Variants in DMD observed in about 807,000 individuals in gnomAD.
DMD encodes the protein mutant dystrophin.
Under a neutral mutation model 330.1 loss-of-function variants are expected in DMD, and 63 were observed. That is an observed-to-expected ratio of 0.19 (90% CI 0.16 to 0.24). DMD has a LOEUF of 0.24. Among genes scored for constraint, DMD ranks in the 10% least tolerant of loss-of-function variants. DMD has a pLI of 1.00. For synonymous variants in DMD, 1,223 were observed against 959.8 expected, an observed-to-expected ratio of 1.27 and a Z score of -5.07; for missense variants, 3,344 against 2,684.1, an observed-to-expected ratio of 1.25 and a Z score of -5.43.
intron 1 of DMD, among the ~76,000 whole-genome samples, chrX:33,077,061 T>G (rs1406035230): frequency 1.8e-5 from 2 of 111,025 alleles, no homozygotes; most frequent in African/African-American, 3.3e-5. Context: ...AGTTTATTGA[T>G]CTGGGTGGTG....
At chrX:33,143,078 C>T (rs2047874875) in intron 1 of DMD, among the ~76,000 whole-genome samples, 1 of 111,590 alleles carries the variant, frequency 9.0e-6, no homozygotes. Context: ...TTATCATAAT[C>T]ATCAAGGTTA....
chrX:32,261,477 G>A (rs2097323208), intron 43 of DMD, among the ~76,000 whole-genome samples: 1 of 111,890 alleles, frequency 8.9e-6, no homozygotes, highest in Non-Finnish European at 1.9e-5. Context: ...TTTAATCTGA[G>A]GACATTATAA....
At chrX:31,642,220 T>C (rs1003380588) in intron 54 of DMD, among the ~76,000 whole-genome samples, 16 of 112,118 alleles carry the variant, frequency 1.4e-4, no homozygotes, top group Non-Finnish European at 3.0e-4. Flanking sequence ...CTAGTAAAGT[T>C]TGTAAAAAAT....
intron 1 of DMD, among the ~76,000 whole-genome samples, chrX:33,040,367 C>T (rs2094279568): frequency 9.0e-6 from 1 of 110,990 alleles, no homozygotes; most frequent in African/African-American, 3.3e-5. Flanking sequence ...GTAGAAGCCA[C>T]TGAGAGAGGG....
At chrX:31,156,955 C>G (rs945760933) in intron 74 of DMD, among the ~76,000 whole-genome samples, 1 of 111,780 alleles carries the variant, frequency 8.9e-6, no homozygotes, top group Non-Finnish European at 1.9e-5. Flanking sequence ...TATTGTGTAT[C>G]ATCCATCATC....
intron 42 of DMD, among the ~76,000 whole-genome samples, chrX:32,302,567 A>G (rs1376469856): frequency 9.0e-6 from 1 of 111,487 alleles, no homozygotes; most frequent in East Asian, 2.8e-4. Flanking sequence ...CTTTACGTAT[A>G]TTTTATGTGG....
intron 23 of DMD, among the ~76,000 whole-genome samples, chrX:32,465,582 G>GTTTTTTTTTTTTTT (rs1191063866): frequency 9.1e-5 from 7 of 76,661 alleles, no homozygotes; most frequent in African/African-American, 2.5e-4. Context: ...TTTGTTTTTT[G>GTTTTTTTTTTTTTT]TTTTTTTTTT....
intron 44 of DMD, among the ~76,000 whole-genome samples, chrX:32,019,028 C>A (rs2095788257): frequency 9.0e-6 from 1 of 111,136 alleles, no homozygotes; most frequent in African/African-American, 3.3e-5. Context: ...AAAATATTAA[C>A]CCTGATGTAG....
intron 1 of DMD, among the ~76,000 whole-genome samples, chrX:33,099,877 T>G (rs991139615): frequency 9.0e-6 from 1 of 111,591 alleles, no homozygotes; most frequent in Non-Finnish European, 1.9e-5. Context: ...TACACACCTA[T>G]TGATTTGTCA....
At chrX:33,001,974 A>G (rs919817278) in intron 2 of DMD, among the ~76,000 whole-genome samples, 1 of 111,691 alleles carries the variant, frequency 9.0e-6, no homozygotes, top group South Asian at 3.7e-4. Flanking sequence ...TACTATAGAA[A>G]ATTGTGAAAG....
intron 37 of DMD, 103 bp from the exon 38 acceptor site, chrX:32,348,631 C>G: frequency 1.4e-6 from 1 of 729,930 alleles, no homozygotes; most frequent in South Asian, 2.6e-5. Context: ...AAACTAATCA[C>G]ATGCATTATG....
intron 44 of DMD, among the ~76,000 whole-genome samples, chrX:32,134,366 G>T (rs1417229864): frequency 9.0e-6 from 1 of 111,398 alleles, no homozygotes; most frequent in Non-Finnish European, 1.9e-5. Context: ...CACAGAGCTA[G>T]CTTCAGGGCA....
At chrX:32,293,849 AAG>A (rs1237748656) in intron 42 of DMD, among the ~76,000 whole-genome samples, 2 of 111,677 alleles carry the variant, frequency 1.8e-5, no homozygotes, top group Non-Finnish European at 3.8e-5. Context: ...ATTATAATAA[AAG>A]AGATACAATG....
intron 44 of DMD, among the ~76,000 whole-genome samples, chrX:31,982,031 T>C (rs754759340): frequency 4.7e-4 from 53 of 112,148 alleles, no homozygotes; most frequent in African/African-American, 1.6e-3. Context: ...AAACAAACAC[T>C]TGTTAACAAA....
intron 44 of DMD, among the ~76,000 whole-genome samples, chrX:32,069,179 G>T (rs746181799): frequency 9.9e-5 from 11 of 111,435 alleles, no homozygotes; most frequent in African/African-American, 3.3e-4. Flanking sequence ...AAGAAGAAAT[G>T]ATAAGTGTTT....
intron 2 of DMD, among the ~76,000 whole-genome samples, chrX:32,869,594 C>G (rs768762445): frequency 9.2e-6 from 1 of 108,910 alleles, no homozygotes; most frequent in African/African-American, 3.3e-5. Flanking sequence ...AAGAACTTCA[C>G]AATGCTACCG....
intron 60 of DMD, among the ~76,000 whole-genome samples, chrX:31,427,941 C>T (rs1237913217): frequency 8.9e-6 from 1 of 111,744 alleles, no homozygotes; most frequent in Non-Finnish European, 1.9e-5. Flanking sequence ...AGAAAAGCCT[C>T]GGTCAACAAG....
At chrX:32,464,434 C>A (rs1310716514) in intron 24 of DMD, 152 bp downstream of exon 24, 2 of 469,367 alleles carry the variant, frequency 4.3e-6, no homozygotes, top group Non-Finnish European at 7.5e-6. Context: ...CCACCCCCAA[C>A]CCAGCTGTGA....
intron 43 of DMD, among the ~76,000 whole-genome samples, chrX:32,250,101 C>A (rs2097257575): frequency 1.8e-5 from 2 of 111,536 alleles, no homozygotes; most frequent in Non-Finnish European, 1.9e-5. Flanking sequence ...TTTCTGATAG[C>A]AGAAATAATA....
Sources: gnomAD v4.1 joint callset for allele counts (sites outside exome capture counted in the v4.1 genomes callset) on GRCh38, gnomAD v4.1.1 for gene constraint, MANE v1.5 for transcripts, NCBI Gene and HGNC (gene_info 2026-07-23, HGNC 2026-07-21) for gene names.